ATP9A: variants seen among roughly 807,000 people sequenced by gnomAD.
ATP9A encodes the protein probable phospholipid-transporting ATPase IIA.
Under a neutral mutation model 144.1 loss-of-function variants are expected in ATP9A, and 52 were observed. That is an observed-to-expected ratio of 0.36 (90% CI 0.29 to 0.45). ATP9A has a LOEUF of 0.45. Ranked by LOEUF, ATP9A falls within the 20% of genes least tolerant of loss-of-function variation. The pLI, the probability that ATP9A is intolerant of heterozygous loss-of-function variation, is 1.00. For synonymous variants in ATP9A, 582 were observed against 557.4 expected (o/e 1.04, Z -0.62); for missense variants, 947 against 1,392.7 (o/e 0.68, Z 5.09).
At chr20:51,672,825 T>TA (rs941024137) in intron 11 of ATP9A, among the ~76,000 whole-genome samples, 2 of 152,092 alleles carry the variant, frequency 1.3e-5, no homozygotes, top group African/African-American at 2.4e-5. Flanking sequence ...AGAGCAGCTC[T>TA]AAAAAATGAT....
chr20:51,726,930 G>T (rs1370572973), intron 2 of ATP9A, among the ~76,000 whole-genome samples: 2 of 110,324 alleles, frequency 1.8e-5, no homozygotes, highest in Non-Finnish European at 3.4e-5. Flanking sequence ...ACGGAGCCTT[G>T]CTCTGTTGTT....
At chr20:51,658,788 G>A (rs890951300) in intron 13 of ATP9A, among the ~76,000 whole-genome samples, 7 of 149,918 alleles carry the variant, frequency 4.7e-5, no homozygotes, top group South Asian at 2.1e-4. Context: ...CCAAAGTGCC[G>A]GGATTACAGG....
At chr20:51,768,252 G>A in intron 1 of ATP9A, 50 bp downstream of exon 1, 2 of 1,181,688 alleles carry the variant, frequency 1.7e-6, no homozygotes, top group East Asian at 3.3e-5. Flanking sequence ...CCCGAGCGCC[G>A]GGCTCCGGGA....
chr20:51,614,576 C>T (rs1383739701), intron 22 of ATP9A, among the ~76,000 whole-genome samples: 1 of 152,126 alleles, frequency 6.6e-6, no homozygotes, highest in Non-Finnish European at 1.5e-5. Flanking sequence ...GCTGGGATTC[C>T]AGGCATGAGC....
chr20:51,744,468 A>T (rs932835620), intron 1 of ATP9A, among the ~76,000 whole-genome samples: 3 of 152,316 alleles, frequency 2.0e-5, no homozygotes, highest in Admixed American at 2.0e-4. Context: ...AGCCTAGACC[A>T]TTTATATAAA....
intron 14 of ATP9A, among the ~76,000 whole-genome samples, chr20:51,651,255 AATAT>A (rs1297052185): frequency 1.3e-5 from 1 of 76,912 alleles, no homozygotes; most frequent in African/African-American, 4.2e-5. Flanking sequence ...ATATTTACAT[AATAT>A]ATTATATAAT....
chr20:51,753,445 C>T (rs1236025066), intron 1 of ATP9A, among the ~76,000 whole-genome samples: 2 of 123,370 alleles, frequency 1.6e-5, no homozygotes, highest in African/African-American at 6.7e-5. Flanking sequence ...AGTGAGACTC[C>T]GTCTCAAAAA....
At chr20:51,735,062 G>A (rs924655474) in intron 1 of ATP9A, 7 of 195,332 alleles carry the variant, frequency 3.6e-5, no homozygotes, top group African/African-American at 1.4e-4. Context: ...AAAGGCTTCA[G>A]AGTAGAGATC....
intron 13 of ATP9A, among the ~76,000 whole-genome samples, chr20:51,657,971 C>A (rs1475941415): frequency 6.6e-6 from 1 of 152,244 alleles, no homozygotes; most frequent in African/African-American, 2.4e-5. Flanking sequence ...TTCTCCATCC[C>A]TTCCTTTCCA....
chr20:51,676,209 C>T lies in ATP9A; in HGVS notation c.800-1G>A, dbSNP rs2077476458. 6.4e-7 allele frequency: 1 copy of T among 1,571,116 alleles called. No homozygotes were observed. The stretch of plus-strand genomic sequence containing the variant: ...TAAAGAACAACACCCACAACAGTAC[C>T]TAAAATGGAAAAAAGAAAAAAAAAA... On this transcript the variant is annotated splice_acceptor_variant, in intron 9 of 27. Coordinates refer to ENST00000338821, the MANE Select transcript of ATP9A (RefSeq NM_006045.3). LOFTEE classifies it high-confidence loss of function.
chr20:51,726,978 G>A (rs1285647741), intron 2 of ATP9A, among the ~76,000 whole-genome samples: 1 of 139,762 alleles, frequency 7.2e-6, no homozygotes, highest in African/African-American at 2.6e-5. Flanking sequence ...TATGCTATAA[G>A]GTTGAGTGCA....
At chr20:51,729,421 A>G (rs899465116) in intron 2 of ATP9A, among the ~76,000 whole-genome samples, 1 of 150,694 alleles carries the variant, frequency 6.6e-6, no homozygotes, top group African/African-American at 2.4e-5. Context: ...CAGAAAAGTC[A>G]CTGACATCTG....
intron 22 of ATP9A, among the ~76,000 whole-genome samples, chr20:51,614,492 G>T (rs1004966745): frequency 6.6e-6 from 1 of 151,912 alleles, no homozygotes; most frequent in Non-Finnish European, 1.5e-5. Context: ...GTAGAGATGG[G>T]GTTTCTCCAT....
intron 13 of ATP9A, among the ~76,000 whole-genome samples, chr20:51,669,535 G>A (rs1038404316): frequency 5.9e-5 from 9 of 152,126 alleles, no homozygotes; most frequent in African/African-American, 2.2e-4. Context: ...TTGGTGCTCC[G>A]GGTCATAGCC....
chr20:51,745,377 G>A (rs545835410), intron 1 of ATP9A, among the ~76,000 whole-genome samples: 3 of 150,742 alleles, frequency 2.0e-5, no homozygotes, highest in African/African-American at 7.3e-5. Context: ...AGAAGTTATA[G>A]TGAGCCAATA....
chr20:51,640,333 T>A (rs1392571371), intron 14 of ATP9A, among the ~76,000 whole-genome samples: 5 of 152,170 alleles, frequency 3.3e-5, no homozygotes, highest in African/African-American at 1.2e-4. Context: ...GGGGAATCTG[T>A]ACTTGTCACA....
In ATP9A at chr20:51,697,286, G is replaced by C. The variant is rs142638880; in HGVS notation, c.495+138C>G. On this transcript the variant is annotated intron_variant, in intron 5 of 27. Coordinates refer to ENST00000338821, the MANE Select transcript of ATP9A (RefSeq NM_006045.3). ...GTGTGTCTGTCTGTCTGTCTCACAG[G>C]AAAGAGATTTTTCTCCCCAGGCAAA... 258 of 683,136 alleles carry C rather than the reference G, an allele frequency of 3.8e-4. 1 individual carries two copies. The highest frequency in any genetic ancestry group is 3.4e-3 in the African/African-American group (187 of 55,520). The allele number at this position is 683,136 out of a possible 1,614,324, so 42.3% of individuals were successfully genotyped here.
intron 18 of ATP9A, among the ~76,000 whole-genome samples, chr20:51,622,385 C>T (rs561651336): frequency 3.2e-4 from 49 of 152,180 alleles, no homozygotes; most frequent in Non-Finnish European, 5.3e-4. Flanking sequence ...CAAAAACTGG[C>T]AGATGCTTCT....
chr20:51,759,729 C>T (rs1324991795), intron 1 of ATP9A, among the ~76,000 whole-genome samples: 1 of 151,804 alleles, frequency 6.6e-6, no homozygotes, highest in Non-Finnish European at 1.5e-5. Flanking sequence ...GTACACACAC[C>T]CCTACATGCC....
Sources: allele counts gnomAD v4.1 joint callset (sites outside exome capture counted in the v4.1 genomes callset), GRCh38; gene constraint gnomAD v4.1.1; transcripts MANE v1.5; gene names NCBI Gene and HGNC (gene_info 2026-07-23, HGNC 2026-07-21).